The following TTYH3 variants were observed in gnomAD, a reference collection of about 807,000 sequenced individuals.
TTYH3 encodes tweety family member 3, also known as protein tweety homolog 3.
TTYH3 carries 23 observed loss-of-function variants against 68.2 expected under a neutral mutation model. The ratio of observed to expected loss-of-function variants is 0.34; its 90% confidence interval spans 0.24 to 0.48. TTYH3 has a LOEUF of 0.48. Ranked by LOEUF, TTYH3 falls within the 20% of genes least tolerant of loss-of-function variation. The pLI is 0.99. For missense variants in TTYH3, 768 were observed against 727.7 expected (o/e 1.06, Z -0.64); for synonymous variants, 360 against 332.8 (o/e 1.08, Z -0.89).
chr7:2,641,478 C>G (rs1252418276), intron 1 of TTYH3, among the ~76,000 whole-genome samples: 2 of 152,162 alleles, frequency 1.3e-5, no homozygotes, highest in Non-Finnish European at 2.9e-5. Flanking sequence ...GGGTCGCCCC[C>G]AGCCCCCTTG....
chr7:2,660,369 A>T, intron 13 of TTYH3: 1 of 985,254 alleles, frequency 1.0e-6, no homozygotes, highest in Non-Finnish European at 1.2e-6. Context: ...AGACCCCTGT[A>T]TGTGCCCGGG....
At chr7:2,638,704 C>T (rs1048589695) in intron 1 of TTYH3, among the ~76,000 whole-genome samples, 2 of 152,234 alleles carry the variant, frequency 1.3e-5, no homozygotes, top group Non-Finnish European at 2.9e-5. Flanking sequence ...AACCCAAACC[C>T]AGCCTGGTGG....
chr7:2,659,848 CCA>C, intron 13 of TTYH3: 3 of 1,247,576 alleles, frequency 2.4e-6, no homozygotes, highest in Middle Eastern at 2.3e-4. Context: ...ATCACACGGC[CCA>C]CAGCCCACTC....
In TTYH3 at chr7:2,632,146, G is replaced by A. The variant is rs745334669; in HGVS notation, c.-10G>A. Reference sequence around the variant, plus strand: ...AGGCCGCGCGCATCCGGAGGCGGCCGGGCCCCGCCATGGCCGGGGTCAGCT... The same window carrying A: ...AGGCCGCGCGCATCCGGAGGCGGCCAGGCCCCGCCATGGCCGGGGTCAGCT... On this transcript the variant is annotated 5_prime_UTR_variant, in exon 1 of 14. Transcript: ENST00000258796. 4.9e-6 allele frequency: 7 copies of A among 1,416,124 alleles called. No individual in the cohort carries two copies. Among genetic ancestry groups the A allele is most frequent in the East Asian group, 6.0e-5 (2 of 33,394 alleles). 87.7% of individuals were successfully genotyped at this position (1,416,124 alleles called of 1,614,324 possible).
At position 2,661,918 on chromosome 7, in the gene TTYH3, G is replaced by T. The variant is rs1007809951; in HGVS notation, c.*179G>T. The T allele has an allele frequency of 6.3e-5, 43 of 687,672 alleles. No individual in the cohort carries two copies. The highest frequency in any genetic ancestry group is 1.7e-4 in the Admixed American group (7 of 40,044). The allele number at this position is 687,672 out of a possible 1,614,324, so 42.6% of individuals were successfully genotyped here. A position where few individuals can be genotyped will look rare whatever the true frequency, so the allele number is the denominator to read the frequency against. On this transcript the variant is annotated 3_prime_UTR_variant, in exon 14 of 14. Coordinates refer to ENST00000258796, the MANE Select transcript of TTYH3 (RefSeq NM_025250.3). ...GCAGGGGCACAGTGGAGACGCAGGG[G>T]CTCTGGGCCCGTACCGCCAACTCGG... is the stretch of plus-strand genomic sequence containing the variant.
chr7:2,652,318 G>T, intron 8 of TTYH3, 76 bp downstream of exon 8: 1 of 1,278,416 alleles, frequency 7.8e-7, no homozygotes, highest in Non-Finnish European at 1.1e-6. Flanking sequence ...GGCCCAGCAG[G>T]CCTGGCGCCT....
Position 2,647,403 on chromosome 7 carries a change from G to A in TTYH3, c.406-15G>A, listed in dbSNP as rs561767238. On this transcript the variant is annotated splice_polypyrimidine_tract_variant and intron_variant, in intron 3 of 13. Coordinates refer to ENST00000258796, the MANE Select transcript of TTYH3 (RefSeq NM_025250.3). ...CGGGCGCGCTCCCAGCCTCACGCCC[G>A]CGGGTCCGGCGCAGGTGTGGGACAC... 1,314 of 1,476,744 alleles carry A rather than the reference G, an allele frequency of 8.9e-4. 1 individual carries two copies. Among genetic ancestry groups the A allele is most frequent in the Non-Finnish European group, 1.1e-3 (1,230 of 1,119,092 alleles). The allele number at this position is 1,476,744 out of a possible 1,614,324, so 91.5% of individuals were successfully genotyped here. A position where few individuals can be genotyped will look rare whatever the true frequency, so the allele number is the denominator to read the frequency against.
chr7:2,646,568 G>C (rs1420634349), intron 1 of TTYH3, among the ~76,000 whole-genome samples: 1 of 152,214 alleles, frequency 6.6e-6, no homozygotes, highest in Non-Finnish European at 1.5e-5. Flanking sequence ...GCCTGGAGTC[G>C]GTTCACCCGG....
At chr7:2,640,611 G>A (rs1451093046) in intron 1 of TTYH3, among the ~76,000 whole-genome samples, 1 of 152,230 alleles carries the variant, frequency 6.6e-6, no homozygotes. Context: ...GCAGCCTGGT[G>A]TGGTGTGGCC....
intron 1 of TTYH3, among the ~76,000 whole-genome samples, chr7:2,638,622 G>C: frequency 6.6e-6 from 1 of 152,190 alleles, no homozygotes; most frequent in East Asian, 1.9e-4. Flanking sequence ...CCCGACCCCG[G>C]CTCCCACGTG....
intron 7 of TTYH3, among the ~76,000 whole-genome samples, chr7:2,651,567 C>A (rs798479): frequency 0.41 from 63,041 of 151,924 alleles, 13,847 homozygotes; most frequent in Middle Eastern, 0.51. Context: ...TGAGCAGCGC[C>A]CCCTACACGT....
chr7:2,652,291 A>T, intron 8 of TTYH3, 49 bp downstream of exon 8: 1 of 1,561,522 alleles, frequency 6.4e-7, no homozygotes, highest in Middle Eastern at 1.9e-4. Context: ...TCTGAAGCAC[A>T]TTGCTGTGTG....
rs1786121880 is a variant in TTYH3 at position 2,649,975 on chromosome 7, G to A, written c.858G>A (p.Ser286=). The A allele has an allele frequency of 1.2e-6, 2 of 1,613,872 alleles. No homozygotes were observed. Among genetic ancestry groups the A allele is most frequent in the Non-Finnish European group, 1.7e-6 (2 of 1,179,958 alleles). Residue 286 remains serine, a synonymous_variant, in exon 7 of 14, where the codon TCG becomes TCA. Coordinates refer to ENST00000258796, the MANE Select transcript of TTYH3 (RefSeq NM_025250.3). ...TGACCAAAATGGTGGAGGAGTACTCGGTGCTGAGTGGGGGTGAGTCTGTGT... is the reference window on the plus strand; with the variant it reads ...TGACCAAAATGGTGGAGGAGTACTCAGTGCTGAGTGGGGGTGAGTCTGTGT... The part of the protein sequence containing the change: ...AYVTKMVEEY[S]VLSGDILQYY...
At position 2,652,168 on chromosome 7, in the gene TTYH3, C is replaced by A. The variant is rs373849968; in HGVS notation, c.872-19C>A. The A allele has an allele frequency of 5.6e-6, 9 of 1,612,584 alleles. No individual in the cohort carries two copies. In the African/African-American group the frequency reaches 1.1e-4, roughly 19 times the overall value. ...GGGACAGCTGTTGCAGCTCAGCCTT[C>A]CCTGATGTCTCTCCGCAGACATCCT... On this transcript the variant is annotated intron_variant, in intron 7 of 13. Transcript: ENST00000258796.
At chr7:2,650,912 G>A (rs1372824282) in intron 7 of TTYH3, among the ~76,000 whole-genome samples, 2 of 151,944 alleles carry the variant, frequency 1.3e-5, no homozygotes, top group African/African-American at 4.8e-5. Context: ...AGGACTTCCC[G>A]GTCAGTTGGA....
chr7:2,650,290 C>G (rs1002334937), intron 7 of TTYH3, among the ~76,000 whole-genome samples: 3 of 152,160 alleles, frequency 2.0e-5, no homozygotes, highest in Non-Finnish European at 4.4e-5. Flanking sequence ...TAAAGTACAG[C>G]CAGAGGTCTG....
rs146833470 is a variant in TTYH3, at chr7:2,650,009, G to A, written c.871+21G>A. ...TGGGGGTGAGTCTGTGTCCACGGCCGTGTCCCAGCGGGTTCCCCAGGGTTG... is the reference window on the plus strand; with the variant it reads ...TGGGGGTGAGTCTGTGTCCACGGCCATGTCCCAGCGGGTTCCCCAGGGTTG... On this transcript the variant is annotated intron_variant, in intron 7 of 13. Transcript: ENST00000258796. The A allele has an allele frequency of 1.1e-3, 1,749 of 1,613,368 alleles. 1 individual carries two copies. The highest frequency in any genetic ancestry group is 1.3e-3 in the Non-Finnish European group (1,509 of 1,179,576).
intron 13 of TTYH3, chr7:2,660,376 C>G (rs915042992): frequency 1.0e-6 from 1 of 985,300 alleles, no homozygotes; most frequent in African/African-American, 1.7e-5. Context: ...TGTATGTGCC[C>G]GGGCCCCTGG....
Position 2,647,556 on chromosome 7 carries a change from A to G in TTYH3, c.544A>G (p.Thr182Ala). Residue 182 changes from threonine to alanine, a missense_variant, in exon 4 of 14, where the codon ACG (threonine) becomes GCG (alanine). By Grantham distance (58) the Thr-to-Ala change is moderately conservative (BLOSUM62 0). Coordinates refer to ENST00000258796, the MANE Select transcript of TTYH3 (RefSeq NM_025250.3). ...CCTGCTGGAGACGCTGCTGGGCTACACGGCCGCCATCCCCTTTTGGAGGAA... is the reference window on the plus strand; with the variant it reads ...CCTGCTGGAGACGCTGCTGGGCTACGCGGCCGCCATCCCCTTTTGGAGGAA... ...QGLLETLLGY[T>A]AAIPFWRNTA... 2 of 1,559,868 alleles carry G rather than the reference A, an allele frequency of 1.3e-6. No individual in the cohort carries two copies. The highest frequency in any genetic ancestry group is 2.4e-5 in the South Asian group (2 of 84,558).
Sources: gnomAD v4.1 joint callset for allele counts (sites outside exome capture counted in the v4.1 genomes callset) on GRCh38, gnomAD v4.1.1 for gene constraint, MANE v1.5 for transcripts, NCBI Gene and HGNC (gene_info 2026-07-23, HGNC 2026-07-21) for gene names.